Variants in TRIM66 observed in about 807,000 individuals in gnomAD.
TRIM66 encodes the protein tripartite motif containing 66.
TRIM66 carries 99 observed loss-of-function variants against 148.2 expected under a neutral mutation model. The ratio of observed to expected loss-of-function variants is 0.67; its 90% CI spans 0.57 to 0.79. The LOEUF (loss-of-function observed/expected upper bound fraction) is 0.79. TRIM66 is among the 30% of genes least tolerant of loss of function. The pLI, the probability that TRIM66 is intolerant of heterozygous loss-of-function variation, is 0.00. For synonymous variants in TRIM66, 616 were observed against 635.9 expected (o/e 0.97, Z 0.47); for missense variants, 1,666 against 1,697.9 (o/e 0.98, Z 0.33).
rs534271712 is a variant in TRIM66 at position 8,621,274 on chromosome 11, C to T, written c.3303G>A (p.Glu1101=). 9.0e-6 allele frequency: 14 copies of T among 1,551,700 alleles called. No homozygotes were observed. The highest frequency in any genetic ancestry group is 4.9e-5 in the East Asian group (2 of 40,922). The change falls in exon 20 of 25, where the codon GAG becomes GAA. Residue 1101 remains glutamate, a synonymous_variant. Coordinates refer to ENST00000646038, the MANE Select transcript of TRIM66 (RefSeq NM_001388022.1). ...AAGAAGTGACAGTGACCTTTCTTCC[C>T]TCCAGACCTGGGGCCTGGGTGGCCT... The part of the protein sequence containing the change: ...LSEATQAPGL[E]GRKVTVTSLA...
At chr11:8,664,138 A>C (rs7118611) in intron 6 of TRIM66, among the ~76,000 whole-genome samples, 43,495 of 152,082 alleles carry the variant, frequency 0.29, 6,776 homozygotes, top group East Asian at 0.6. Flanking sequence ...AAGTGTTCTC[A>C]CCACCAAAAT....
chr11:8,648,617 T>G (rs2037074554), intron 8 of TRIM66, 69 bp from the exon 9 acceptor site: 1 of 1,532,210 alleles, frequency 6.5e-7, no homozygotes, highest in South Asian at 1.2e-5. Flanking sequence ...TAAGCTTTGC[T>G]GCACAGCTCT....
rs1469701317 is a variant in TRIM66 at position 8,622,361 on chromosome 11, C to T, written c.3080+455G>A. ...CACAACACACACACACACACACACA[C>T]ACACATATATATATATATATATCTC... On this transcript the variant is annotated intron_variant, in intron 18 of 24. Transcript: ENST00000646038. Among the ~76,000 whole-genome samples, 218 of 54,608 alleles carry T rather than the reference C, an allele frequency of 4.0e-3. 6 individuals carry two copies. Among genetic ancestry groups the T allele is most frequent in the Non-Finnish European group, 8.4e-3 (188 of 22,430 alleles). 35.8% of individuals were successfully genotyped at this position (54,608 alleles called of 152,430 possible). A position where few individuals can be genotyped will look rare whatever the true frequency, so the allele number is the denominator to read the frequency against.
intron 15 of TRIM66, among the ~76,000 whole-genome samples, chr11:8,626,323 G>A (rs2034843692): frequency 6.6e-6 from 1 of 152,158 alleles, no homozygotes; most frequent in South Asian, 2.1e-4. Flanking sequence ...CAAAATCAGT[G>A]TCTTGAACCT....
chr11:8,677,237 C>G (rs1024480810), intron 3 of TRIM66, among the ~76,000 whole-genome samples: 1 of 152,044 alleles, frequency 6.6e-6, no homozygotes, highest in African/African-American at 2.4e-5. Context: ...CTTTGCTAGG[C>G]TGTGTTATAT....
chr11:8,648,127 C>A, intron 9 of TRIM66, 41 bp from the exon 10 acceptor site: 1 of 1,504,790 alleles, frequency 6.6e-7, no homozygotes, highest in South Asian at 1.2e-5. Flanking sequence ...AGGGCTGAGT[C>A]CTACTTTGAG....
chr11:8,649,624 T>C, intron 8 of TRIM66, 116 bp downstream of exon 8: 1 of 1,368,558 alleles, frequency 7.3e-7, no homozygotes, highest in Non-Finnish European at 9.8e-7. Flanking sequence ...GCTCTGAGAC[T>C]GTCCCTACCT....
chr11:8,640,722 C>T lies in TRIM66; in HGVS notation c.1653G>A (p.Leu551=). 1 of 1,551,528 alleles carries T rather than the reference C, an allele frequency of 6.4e-7. No individual in the cohort carries two copies. The highest frequency in any genetic ancestry group is 8.7e-7 in the Non-Finnish European group (1 of 1,146,972). The change falls in exon 14 of 25, where the codon CTG becomes CTA. Residue 551 remains leucine (L), a synonymous_variant. Transcript: ENST00000646038. ...ESTSQRLGQQ[L]TSQPVCIVPP... ...GGACAATGCACACGGGCTGGGAAGT[C>T]AGCTGCTGCCCCAGCCGCTGGGATG...
chr11:8,668,264 GTT>G (rs138176572), intron 6 of TRIM66, among the ~76,000 whole-genome samples: 1 of 145,794 alleles, frequency 6.9e-6, no homozygotes, highest in African/African-American at 2.5e-5. Context: ...TTAAAATCAG[GTT>G]TTTTTTTTTA....
intron 11 of TRIM66, among the ~76,000 whole-genome samples, 157 bp downstream of exon 11, chr11:8,646,289 TC>T (rs2036839392): frequency 1.3e-5 from 2 of 152,056 alleles, no homozygotes; most frequent in East Asian, 1.9e-4. Context: ...TGAGCCACCC[TC>T]CCAAAATTAG....
At position 8,640,538 on chromosome 11, in the gene TRIM66, G is replaced by C. The variant is rs2036280795; in HGVS notation, c.1837C>G (p.Pro613Ala). The change falls in exon 14 of 25, where the codon CCA becomes GCA. Residue 613 changes from proline (P) to alanine (A), a missense_variant. Around this residue, in one of 3 missense-constraint regions of TRIM66, gnomAD observed 1,431 missense variants for 1,412.4 expected, o/e 1.01. Coordinates refer to ENST00000646038, the MANE Select transcript of TRIM66 (RefSeq NM_001388022.1). ...TGTGGGGGAGGGGGAAGGGGAGGTGGGGGATGGGGGAGGGGTGGTGGTGGA... is the reference window on the plus strand; with the variant it reads ...TGTGGGGGAGGGGGAAGGGGAGGTGCGGGATGGGGGAGGGGTGGTGGTGGA... ...PPPPPPLPHP[P>A]PPLPPPPQQP... is the part of the protein sequence containing the mutation. 7.1e-7 allele frequency: 1 copy of C among 1,405,574 alleles called. No individual in the cohort carries two copies. 87.1% of individuals were successfully genotyped at this position (1,405,574 alleles called of 1,614,324 possible).
intron 1 of TRIM66, among the ~76,000 whole-genome samples, chr11:8,681,377 C>T (rs2039416596): frequency 6.6e-6 from 1 of 152,078 alleles, no homozygotes; most frequent in Non-Finnish European, 1.5e-5. Context: ...TCGTGATCCG[C>T]CCGCCTCGGC....
At chr11:8,633,207 A>C (rs1264285899) in intron 15 of TRIM66, among the ~76,000 whole-genome samples, 1 of 152,166 alleles carries the variant, frequency 6.6e-6, no homozygotes, top group Non-Finnish European at 1.5e-5. Context: ...CTGTAATCCC[A>C]GCTACTCAGG....
intron 14 of TRIM66, among the ~76,000 whole-genome samples, chr11:8,639,153 A>G (rs918881366): frequency 3.9e-5 from 6 of 152,214 alleles, no homozygotes. Context: ...GGATTATTCT[A>G]TATCTCCTCA....
At chr11:8,657,517 G>C (rs2037931416) in intron 6 of TRIM66, among the ~76,000 whole-genome samples, 1 of 152,088 alleles carries the variant, frequency 6.6e-6, no homozygotes, top group African/African-American at 2.4e-5. Flanking sequence ...TATAACATAG[G>C]TGATACCGTG....
At chr11:8,655,188 G>T (rs547444455) in intron 6 of TRIM66, among the ~76,000 whole-genome samples, 73 of 152,138 alleles carry the variant, frequency 4.8e-4, no homozygotes, top group Non-Finnish European at 9.3e-4. Context: ...GAGTTTGTGT[G>T]TTCCATGTGT....
At chr11:8,661,863 G>A (rs1417022081) in intron 6 of TRIM66, among the ~76,000 whole-genome samples, 2 of 152,106 alleles carry the variant, frequency 1.3e-5, no homozygotes, top group African/African-American at 2.4e-5. Flanking sequence ...ATCAATCACA[G>A]CCATCTCGAG....
chr11:8,621,402 C>T, intron 19 of TRIM66, 81 bp from the exon 20 acceptor site: 1 of 1,458,474 alleles, frequency 6.9e-7, no homozygotes, highest in Non-Finnish European at 9.1e-7. Context: ...ACTGGCAGGC[C>T]CTGCATGCCT....
At chr11:8,682,799 G>T (rs199996172), upstream of TRIM66, 592 of 1,613,318 alleles carry the variant, frequency 3.7e-4, 2 homozygotes, top group Middle Eastern at 3.5e-3. Context: ...TTCCTTTTTC[G>T]TCTGGGCTGC....
Sources: allele counts gnomAD v4.1 joint callset (sites outside exome capture counted in the v4.1 genomes callset), GRCh38; gene constraint gnomAD v4.1.1; regional missense constraint gnomAD v4.1.1; transcripts MANE v1.5; gene names NCBI Gene and HGNC (gene_info 2026-07-23, HGNC 2026-07-21).